CNTNAP2: variants seen among roughly 807,000 people sequenced by gnomAD.
The protein encoded by CNTNAP2 is contactin associated protein 2.
In CNTNAP2, 98 loss-of-function variants were observed where a neutral mutation model predicts 155.2. The observed-to-expected ratio is 0.63, with a 90% CI of 0.54 to 0.75. The LOEUF (loss-of-function observed/expected upper bound fraction) is 0.75, where lower values mean the gene tolerates loss of function less well. Among genes scored for constraint, CNTNAP2 ranks in the 30% least tolerant of loss-of-function variants. The pLI is 0.00. For missense variants in CNTNAP2, 1,727 were observed against 1,688.1 expected, an observed-to-expected ratio of 1.02 and a Z score of -0.40; for synonymous variants, 651 against 631.2, an observed-to-expected ratio of 1.03 and a Z score of -0.47.
chr7:146,165,806 T>C (rs1798303823), intron 1 of CNTNAP2, among the ~76,000 whole-genome samples: 1 of 152,210 alleles, frequency 6.6e-6, no homozygotes, highest in South Asian at 2.1e-4. Context: ...ATTTTCTTTT[T>C]GGACCTAGCA....
chr7:147,289,990 C>T, intron 8 of CNTNAP2, among the ~76,000 whole-genome samples: 1 of 152,150 alleles, frequency 6.6e-6, no homozygotes, highest in East Asian at 1.9e-4. Context: ...AAATTACATA[C>T]AGTAGATTCT....
intron 13 of CNTNAP2, among the ~76,000 whole-genome samples, chr7:147,719,577 T>C (rs1796532416): frequency 6.6e-6 from 1 of 152,108 alleles, no homozygotes; most frequent in Admixed American, 6.6e-5. Context: ...TAAAATGTTT[T>C]ACACTGGTAA....
At chr7:148,213,240 A>G (rs1795579161) in intron 18 of CNTNAP2, among the ~76,000 whole-genome samples, 1 of 152,152 alleles carries the variant, frequency 6.6e-6, no homozygotes, top group Admixed American at 6.5e-5. Context: ...TTCTGGGACT[A>G]GGCCTGGGGA....
intron 1 of CNTNAP2, among the ~76,000 whole-genome samples, chr7:146,231,328 G>T (rs577751984): frequency 6.6e-6 from 1 of 152,086 alleles, no homozygotes; most frequent in Non-Finnish European, 1.5e-5. Context: ...TTAGTAAGAC[G>T]CAGGAGTGAA....
intron 5 of CNTNAP2, among the ~76,000 whole-genome samples, chr7:147,116,818 C>T (rs190508271): frequency 4.1e-4 from 63 of 152,180 alleles, no homozygotes; most frequent in African/African-American, 1.3e-3. Context: ...TGGATCAGGG[C>T]TCTGCTTAAA....
chr7:146,839,996 A>G (rs1043057647), intron 3 of CNTNAP2, 92 bp downstream of exon 3: 1 of 1,385,922 alleles, frequency 7.2e-7, no homozygotes, highest in African/African-American at 1.4e-5. Context: ...AGTTATCAAT[A>G]TTTATGTATT....
intron 14 of CNTNAP2, among the ~76,000 whole-genome samples, chr7:147,948,703 G>A (rs1301277970): frequency 2.0e-5 from 3 of 149,956 alleles, no homozygotes; most frequent in African/African-American, 7.4e-5. Flanking sequence ...TTGACCCTTG[G>A]ACAATGCAGG....
chr7:147,377,036 G>A (rs826810), intron 9 of CNTNAP2, among the ~76,000 whole-genome samples: 56,821 of 151,266 alleles, frequency 0.38, 11,371 homozygotes, highest in East Asian at 0.68. Flanking sequence ...CTAGATTTAA[G>A]AAAAAATCAA....
At chr7:147,542,610 C>T (rs1430967518) in intron 11 of CNTNAP2, among the ~76,000 whole-genome samples, 1 of 152,176 alleles carries the variant, frequency 6.6e-6, no homozygotes, top group African/African-American at 2.4e-5. Flanking sequence ...GTTAAGATAC[C>T]TTAACTGTGA....
rs144558226 is a variant in CNTNAP2, at chr7:147,355,827, C to T, written c.1499-39782C>T. On this transcript the variant is annotated intron_variant, in intron 9 of 23. Transcript: ENST00000361727. ...CAACCAAGAAAAGCCAAGGACCACA[C>T]GAATTCACAACCGAATTCTACCAGA... Among the ~76,000 whole-genome samples the T allele has an allele frequency of 6.8e-3, 1,041 of 152,144 alleles. 42 individuals carry two copies. Among genetic ancestry groups the T allele is most frequent in the Admixed American group, 0.062 (942 of 15,268 alleles).
intron 3 of CNTNAP2, among the ~76,000 whole-genome samples, chr7:146,903,831 T>G (rs978065932): frequency 6.6e-6 from 1 of 152,180 alleles, no homozygotes; most frequent in Non-Finnish European, 1.5e-5. Context: ...TTAGTAATAA[T>G]GTATATCTCC....
rs560161165 is a variant in CNTNAP2, at chr7:147,124,980, A to C, written c.940-3713A>C. ...ACTGCAACCTCCGCCTCCCGGGTTC[A>C]AGTGATTCTCCTGGCTCAGCCTCCT... On this transcript the variant is annotated intron_variant, in intron 6 of 23. Coordinates refer to ENST00000361727, the MANE Select transcript of CNTNAP2 (RefSeq NM_014141.6). 1.7e-4 allele frequency among the ~76,000 whole-genome samples: 25 copies of C among 146,926 alleles called. 1 individual carries two copies. The highest frequency in any genetic ancestry group is 5.8e-4 in the African/African-American group (23 of 39,962).
intron 1 of CNTNAP2, among the ~76,000 whole-genome samples, chr7:146,496,592 C>T (rs1480250914): frequency 2.0e-5 from 3 of 152,094 alleles, no homozygotes; most frequent in African/African-American, 4.8e-5. Context: ...TTTTGCTTTC[C>T]GAGGCTCTGG....
chr7:146,544,411 T>TACTGAATTATA (rs1426441912), intron 1 of CNTNAP2, among the ~76,000 whole-genome samples: 2 of 151,982 alleles, frequency 1.3e-5, no homozygotes, highest in African/African-American at 4.8e-5. Flanking sequence ...ACAGCACACT[T>TACTGAATTATA]TCCGCTACAT....
intron 11 of CNTNAP2, among the ~76,000 whole-genome samples, chr7:147,503,184 T>C (rs186284420): frequency 8.5e-5 from 13 of 152,332 alleles, no homozygotes; most frequent in African/African-American, 2.9e-4. Flanking sequence ...CACTGGCTTC[T>C]ATTGATTGCC....
chr7:147,732,469 C>T (rs201307120), intron 13 of CNTNAP2, among the ~76,000 whole-genome samples: 1 of 152,078 alleles, frequency 6.6e-6, no homozygotes, highest in Non-Finnish European at 1.5e-5. Context: ...CAAGTCTTTG[C>T]TATTGTGAAT....
chr7:146,359,598 T>C (rs916554949), intron 1 of CNTNAP2, among the ~76,000 whole-genome samples: 1 of 152,250 alleles, frequency 6.6e-6, no homozygotes, highest in African/African-American at 2.4e-5. Flanking sequence ...TTATTTATGG[T>C]AGAGTTGTAG....
At chr7:148,316,869 C>G (rs1797698946) in intron 21 of CNTNAP2, among the ~76,000 whole-genome samples, 1 of 152,190 alleles carries the variant, frequency 6.6e-6, no homozygotes, top group South Asian at 2.1e-4. Context: ...CACTTTAAGA[C>G]AGCAAATAAA....
At chr7:147,325,699 G>A (rs1795442211) in intron 9 of CNTNAP2, among the ~76,000 whole-genome samples, 1 of 152,150 alleles carries the variant, frequency 6.6e-6, no homozygotes, top group Non-Finnish European at 1.5e-5. Flanking sequence ...TACACAGAAT[G>A]TAATGTTTTC....
Sources: gnomAD v4.1 joint callset for allele counts (sites outside exome capture counted in the v4.1 genomes callset) on GRCh38, gnomAD v4.1.1 for gene constraint, MANE v1.5 for transcripts, NCBI Gene and HGNC (gene_info 2026-07-23, HGNC 2026-07-21) for gene names.